The following ADGRD1 variants were observed in gnomAD, a reference collection of about 807,000 sequenced individuals.
ADGRD1 encodes G-protein coupled receptor 133.
A neutral mutation model predicts 113.4 loss-of-function variants in ADGRD1; 77 were observed. The ratio of observed to expected loss-of-function variants is 0.68; its 90% confidence interval spans 0.57 to 0.82. The LOEUF (loss-of-function observed/expected upper bound fraction) is 0.82, where lower values mean the gene tolerates loss of function less well. Ranked by LOEUF, ADGRD1 falls within the 40% of genes least tolerant of loss-of-function variation. ADGRD1 has a pLI of 0.00. For missense variants in ADGRD1, 1,036 were observed against 1,139.1 expected (o/e 0.91, Z 1.30); for synonymous variants, 474 against 475.0 (o/e 1.00, Z 0.03).
intron 13 of ADGRD1, among the ~76,000 whole-genome samples, chr12:131,045,032 G>T (rs1040609328): frequency 2.0e-5 from 3 of 152,260 alleles, no homozygotes; most frequent in African/African-American, 7.2e-5. Flanking sequence ...GTGCCGGTGG[G>T]TTTCTGCGGC....
chr12:131,002,905 T>C, intron 9 of ADGRD1: 1 of 933,172 alleles, frequency 1.1e-6, no homozygotes, highest in South Asian at 1.6e-5. Flanking sequence ...GGACCAGGAG[T>C]TGGGTCCCCT....
At chr12:130,972,328 C>T (rs777931460) in intron 4 of ADGRD1, among the ~76,000 whole-genome samples, 4 of 152,178 alleles carry the variant, frequency 2.6e-5, no homozygotes, top group African/African-American at 9.7e-5. Context: ...AGGAACAAAG[C>T]TTAATGCAGT....
At chr12:131,088,052 T>C (rs1886617113) in intron 15 of ADGRD1, among the ~76,000 whole-genome samples, 1 of 152,112 alleles carries the variant, frequency 6.6e-6, no homozygotes, top group Non-Finnish European at 1.5e-5. Context: ...AGGGCTCCCT[T>C]TGGGCTTCCC....
At chr12:131,063,684 C>T (rs1265048989) in intron 13 of ADGRD1, among the ~76,000 whole-genome samples, 1 of 152,190 alleles carries the variant, frequency 6.6e-6, no homozygotes, top group Non-Finnish European at 1.5e-5. Flanking sequence ...TGTAGTAGGT[C>T]TTGAAATCAG....
chr12:131,042,299 G>A (rs61936929), intron 13 of ADGRD1, among the ~76,000 whole-genome samples: 16,520 of 152,138 alleles, frequency 0.11, 1,222 homozygotes, highest in Non-Finnish European at 0.16. Context: ...GCATCATCCC[G>A]ACAAGCCTCC....
intron 15 of ADGRD1, among the ~76,000 whole-genome samples, chr12:131,095,749 C>T (rs1887235281): frequency 6.6e-6 from 1 of 152,162 alleles, no homozygotes. Context: ...TATTTTTTGT[C>T]ATGAGTGTGT....
intron 19 of ADGRD1, 39 bp downstream of exon 19, chr12:131,118,490 C>T (rs1414396806): frequency 1.4e-6 from 2 of 1,477,872 alleles, no homozygotes; most frequent in Non-Finnish European, 1.9e-6. Flanking sequence ...GCAGGCGTTC[C>T]ATGGAACAGC....
At chr12:130,961,488 G>C (rs1341000121) in intron 2 of ADGRD1, among the ~76,000 whole-genome samples, 8 of 151,842 alleles carry the variant, frequency 5.3e-5, no homozygotes, top group African/African-American at 7.3e-5. Flanking sequence ...TGTTTTGCAG[G>C]CTGGGGTTGT....
chr12:131,122,698 A>G (rs1950627779), intron 20 of ADGRD1, among the ~76,000 whole-genome samples: 1 of 152,090 alleles, frequency 6.6e-6, no homozygotes, highest in Admixed American at 6.5e-5. Context: ...CTTTCTCTCT[A>G]CTGACTTAAA....
Position 131,057,945 on chromosome 12 carries a change from GT to G in ADGRD1, c.1474-18851del, listed in dbSNP as rs1884017276. On this transcript the variant is annotated intron_variant, in intron 13 of 24. Coordinates refer to ENST00000261654, the MANE Select transcript of ADGRD1 (RefSeq NM_198827.5). This position sits in a 1 kb window ranked among gnomAD's most constrained non-coding sequence, Gnocchi z 4.2. Reference sequence around the variant, plus strand: ...CTCATCTCGCTTCTTTCTTGTTCATGTTTTTCCTTGTCTATGCACCAGGGAG... The same window carrying G: ...CTCATCTCGCTTCTTTCTTGTTCATGTTTTCCTTGTCTATGCACCAGGGAG... 1.3e-5 allele frequency among the ~76,000 whole-genome samples: 2 copies of G among 152,230 alleles called. No homozygotes were observed. The highest frequency in any genetic ancestry group is 6.5e-5 in the Admixed American group (1 of 15,296).
intron 13 of ADGRD1, chr12:131,069,896 T>G (rs1005254030): frequency 6.6e-6 from 1 of 152,228 alleles, no homozygotes; most frequent in Non-Finnish European, 1.5e-5. Context: ...GTGTTAATTA[T>G]TATTGCATGT....
intron 15 of ADGRD1, among the ~76,000 whole-genome samples, chr12:131,101,443 A>G (rs1451531482): frequency 8.1e-6 from 1 of 123,536 alleles, no homozygotes; most frequent in Non-Finnish European, 1.6e-5. Context: ...CTGGAGTGCA[A>G]GTGGCACGAT....
At chr12:130,968,875 G>A (rs1871300254) in intron 3 of ADGRD1, 1 of 681,642 alleles carries the variant, frequency 1.5e-6, no homozygotes, top group African/African-American at 1.8e-5. Flanking sequence ...TTGGATGAAA[G>A]AGCCCCTCCT....
chr12:131,020,308 G>A (rs1879173435), intron 13 of ADGRD1, among the ~76,000 whole-genome samples: 1 of 151,052 alleles, frequency 6.6e-6, no homozygotes, highest in African/African-American at 2.4e-5. Flanking sequence ...GGCAGGGGGT[G>A]CTCGAGGGAG....
intron 2 of ADGRD1, among the ~76,000 whole-genome samples, chr12:130,959,288 T>C (rs1423032205): frequency 1.3e-5 from 2 of 152,226 alleles, no homozygotes; most frequent in East Asian, 1.9e-4. Flanking sequence ...TAAATATTTG[T>C]TGGGCTGGCG....
Position 131,096,440 on chromosome 12 carries a change from C to T in ADGRD1, c.1672-8391C>T, listed in dbSNP as rs1477451023. ...TAGCACACTTTAAAAAATGTATGCA[C>T]GTATCTTGGAGGTTGCTCCTTCTCA... is the stretch of plus-strand genomic sequence containing the variant. On this transcript the variant is annotated intron_variant, in intron 15 of 24. Coordinates refer to ENST00000261654, the MANE Select transcript of ADGRD1 (RefSeq NM_198827.5). The surrounding 1 kb of genome is among the most constrained non-coding windows in gnomAD (Gnocchi z 5.2). Among the ~76,000 whole-genome samples, 9 of 152,168 alleles carry T rather than the reference C, an allele frequency of 5.9e-5. No homozygotes were observed. Among genetic ancestry groups the T allele is most frequent in the Admixed American group, 2.0e-4 (3 of 15,278 alleles).
intron 8 of ADGRD1, chr12:130,994,038 A>C: frequency 4.2e-6 from 1 of 240,180 alleles, no homozygotes. Context: ...ACATGACCAC[A>C]CCTGGGCCAA....
At position 131,096,255 on chromosome 12, in the gene ADGRD1, T is replaced by G. The variant is rs1338370392; in HGVS notation, c.1672-8576T>G. ...GCACCCTTTATTTTTATTTACAATT[T>G]ATTTGTGTTAGAGACAAGGTTGCAC... On this transcript the variant is annotated intron_variant, in intron 15 of 24. Coordinates refer to ENST00000261654, the MANE Select transcript of ADGRD1 (RefSeq NM_198827.5). The surrounding 1 kb of genome is among the most constrained non-coding windows in gnomAD (Gnocchi z 5.2). Among the ~76,000 whole-genome samples, 4 of 152,216 alleles carry G rather than the reference T, an allele frequency of 2.6e-5. No individual in the cohort carries two copies. The highest frequency in any genetic ancestry group is 5.9e-5 in the Non-Finnish European group (4 of 68,048).
intron 18 of ADGRD1, among the ~76,000 whole-genome samples, chr12:131,111,012 T>G (rs1950333863): frequency 6.6e-6 from 1 of 152,200 alleles, no homozygotes; most frequent in Non-Finnish European, 1.5e-5. Flanking sequence ...GAAGAATTGT[T>G]TTTCTGTTGA....
Sources: allele counts gnomAD v4.1 joint callset (sites outside exome capture counted in the v4.1 genomes callset), GRCh38; gene constraint gnomAD v4.1.1; non-coding constraint Gnocchi (gnomAD v3.1); transcripts MANE v1.5; gene names NCBI Gene and HGNC (gene_info 2026-07-23, HGNC 2026-07-21).